Variants in KIRREL1 observed in about 807,000 individuals in gnomAD.
The protein encoded by KIRREL1 is kirre like nephrin family adhesion molecule 1.
In KIRREL1, 25 loss-of-function variants were observed where a neutral mutation model predicts 83.3. The observed-to-expected ratio is 0.30, with a 90% CI of 0.22 to 0.42. The LOEUF (loss-of-function observed/expected upper bound fraction) is 0.42. KIRREL1 is among the 10% of genes least tolerant of loss of function. The pLI, the probability that KIRREL1 is intolerant of heterozygous loss-of-function variation, is 1.00. For synonymous variants in KIRREL1, 388 were observed against 410.4 expected (o/e 0.95, Z 0.66); for missense variants, 812 against 1,032.3 (o/e 0.79, Z 2.92).
chr1:157,994,562 T>C (rs1659138653), intron 1 of KIRREL1, among the ~76,000 whole-genome samples: 1 of 150,278 alleles, frequency 6.7e-6, no homozygotes, highest in African/African-American at 2.5e-5. Flanking sequence ...TGGGCAGGGC[T>C]GGGGTTGGGG....
At chr1:158,073,104 A>T (rs561304292) in intron 1 of KIRREL1, among the ~76,000 whole-genome samples, 1 of 152,268 alleles carries the variant, frequency 6.6e-6, no homozygotes, top group African/African-American at 2.4e-5. Flanking sequence ...TTGGGATTCT[A>T]TGTTGGCTGC....
At chr1:158,085,430 T>C (rs1317981332) in intron 4 of KIRREL1, among the ~76,000 whole-genome samples, 1 of 152,222 alleles carries the variant, frequency 6.6e-6, no homozygotes, top group African/African-American at 2.4e-5. Context: ...TTTTCTGGCC[T>C]TAGTTTCTCA....
chr1:158,002,944 T>C (rs1296769977), intron 1 of KIRREL1, among the ~76,000 whole-genome samples: 2 of 152,300 alleles, frequency 1.3e-5, no homozygotes, highest in Non-Finnish European at 2.9e-5. Flanking sequence ...AGGCAGTTTA[T>C]ATAAAGCACA....
chr1:158,023,254 C>CA (rs1198676585), intron 1 of KIRREL1, among the ~76,000 whole-genome samples: 1 of 152,010 alleles, frequency 6.6e-6, no homozygotes, highest in East Asian at 1.9e-4. Context: ...TTCTTGTCTA[C>CA]AAAAAAACTC....
intron 1 of KIRREL1, among the ~76,000 whole-genome samples, chr1:158,068,020 C>A (rs911042983): frequency 1.3e-5 from 2 of 152,166 alleles, no homozygotes; most frequent in African/African-American, 4.8e-5. Context: ...GGTGGCCAAG[C>A]TGCTTGGATG....
At chr1:158,019,215 A>T (rs568345979) in intron 1 of KIRREL1, among the ~76,000 whole-genome samples, 1 of 152,296 alleles carries the variant, frequency 6.6e-6, no homozygotes, top group Admixed American at 6.5e-5. Context: ...GGGAGAAGGG[A>T]CAAGAGAGAG....
rs532628358 is a variant in KIRREL1 at position 158,037,155 on chromosome 1, A to C, written c.53-38958A>C. 2.6e-3 allele frequency among the ~76,000 whole-genome samples: 394 copies of C among 152,322 alleles called. 2 individuals carry two copies. The highest frequency in any genetic ancestry group is 4.0e-3 in the Non-Finnish European group (272 of 68,026). On this transcript the variant is annotated intron_variant, in intron 1 of 14. Coordinates refer to ENST00000359209, the MANE Select transcript of KIRREL1 (RefSeq NM_018240.7). Reference sequence around the variant, plus strand: ...TTCTAGTCCCACTGCTGCCACGACTAGCACTGGACCTTGGCCTAGTTGCTT... The same window carrying C: ...TTCTAGTCCCACTGCTGCCACGACTCGCACTGGACCTTGGCCTAGTTGCTT...
At chr1:158,024,124 T>G (rs980147032) in intron 1 of KIRREL1, among the ~76,000 whole-genome samples, 1 of 152,110 alleles carries the variant, frequency 6.6e-6, no homozygotes, top group African/African-American at 2.4e-5. Context: ...ATTTTTTGTA[T>G]TTTTGGTAGA....
At chr1:157,998,970 A>G (rs1659278385) in intron 1 of KIRREL1, among the ~76,000 whole-genome samples, 1 of 152,186 alleles carries the variant, frequency 6.6e-6, no homozygotes, top group South Asian at 2.1e-4. Flanking sequence ...GGCATACCTG[A>G]GGTGTTAGAC....
chr1:158,083,263 C>T (rs1366106196), intron 3 of KIRREL1, among the ~76,000 whole-genome samples: 1 of 152,178 alleles, frequency 6.6e-6, no homozygotes, highest in Non-Finnish European at 1.5e-5. Flanking sequence ...TGCTGTTTTT[C>T]CAGGGGATCA....
At chr1:158,020,935 C>T (rs1659989973) in intron 1 of KIRREL1, among the ~76,000 whole-genome samples, 1 of 152,136 alleles carries the variant, frequency 6.6e-6, no homozygotes, top group African/African-American at 2.4e-5. Flanking sequence ...GATGATGGGA[C>T]CACCTTACAG....
At chr1:158,036,620 C>T (rs1199117483) in intron 1 of KIRREL1, among the ~76,000 whole-genome samples, 2 of 152,054 alleles carry the variant, frequency 1.3e-5, no homozygotes, top group South Asian at 2.1e-4. Flanking sequence ...AGTCACAACC[C>T]GGGAAAGAGA....
intron 1 of KIRREL1, among the ~76,000 whole-genome samples, chr1:158,040,359 A>C (rs1309674999): frequency 6.6e-6 from 1 of 152,244 alleles, no homozygotes; most frequent in African/African-American, 2.4e-5. Context: ...GGTCAGAGAC[A>C]TGGAAAAGAA....
intron 1 of KIRREL1, among the ~76,000 whole-genome samples, chr1:158,037,212 C>A (rs768156786): frequency 2.0e-5 from 3 of 152,122 alleles, no homozygotes; most frequent in African/African-American, 7.2e-5. Context: ...AGGGGTCAAT[C>A]GGCCGGGCGC....
At chr1:158,062,213 T>C (rs1164505094) in intron 1 of KIRREL1, among the ~76,000 whole-genome samples, 1 of 152,178 alleles carries the variant, frequency 6.6e-6, no homozygotes, top group Non-Finnish European at 1.5e-5. Context: ...ACAAGGAAAC[T>C]CAGTCAGGCA....
rs563090426 is a variant in KIRREL1, at chr1:158,016,014, T to G, written c.52+22286T>G. On this transcript the variant is annotated intron_variant, in intron 1 of 14. Transcript: ENST00000359209. The stretch of plus-strand genomic sequence containing the variant: ...ATAGAGCATAGTGCCTGACAAATAT[T>G]AAGAAAGCAGGCTGGGTGCGGCGGC... Among the ~76,000 whole-genome samples the G allele has an allele frequency of 2.5e-4, 38 of 152,198 alleles. 1 individual carries two copies. The highest frequency in any genetic ancestry group is 8.7e-4 in the African/African-American group (36 of 41,530).
intron 1 of KIRREL1, among the ~76,000 whole-genome samples, chr1:158,055,842 A>C (rs1392729944): frequency 6.6e-6 from 1 of 152,216 alleles, no homozygotes; most frequent in African/African-American, 2.4e-5. Context: ...CTGCACTGCC[A>C]ATGGAGCATA....
chr1:158,078,195 C>T, intron 3 of KIRREL1, 55 bp downstream of exon 3: 1 of 1,557,366 alleles, frequency 6.4e-7, no homozygotes, highest in East Asian at 2.3e-5. Context: ...TGTATCCTGG[C>T]AGTCTCTCCC....
intron 4 of KIRREL1, among the ~76,000 whole-genome samples, chr1:158,085,938 CT>C (rs1662000372): frequency 6.6e-6 from 1 of 152,168 alleles, no homozygotes; most frequent in Non-Finnish European, 1.5e-5. Flanking sequence ...GTGTCTAGAG[CT>C]GTGAGCAGGA....
Sources: allele counts gnomAD v4.1 joint callset (sites outside exome capture counted in the v4.1 genomes callset), GRCh38; gene constraint gnomAD v4.1.1; transcripts MANE v1.5; gene names NCBI Gene and HGNC (gene_info 2026-07-23, HGNC 2026-07-21).